The following KIF4A variants were observed in gnomAD, a reference collection of about 807,000 sequenced individuals.
The protein encoded by KIF4A is kinesin family member 4A, also known as chromosome-associated kinesin KIF4A.
A neutral mutation model predicts 105.9 loss-of-function variants in KIF4A; 7 were observed. That is an observed-to-expected ratio of 0.07 (90% CI 0.04 to 0.12). KIF4A has a LOEUF of 0.12. Among genes scored for constraint, KIF4A ranks in the 10% least tolerant of loss-of-function variants. KIF4A has a pLI of 1.00. For synonymous variants in KIF4A, 281 were observed against 331.3 expected, an observed-to-expected ratio of 0.85 and a Z score of 1.65; for missense variants, 558 against 929.2, an observed-to-expected ratio of 0.60 and a Z score of 5.19.
At chrX:70,303,725 C>T (rs1313370329) in intron 7 of KIF4A, among the ~76,000 whole-genome samples, 1 of 110,343 alleles carries the variant, frequency 9.1e-6, no homozygotes, top group African/African-American at 3.3e-5. Flanking sequence ...AATTTACGTA[C>T]TATAACATTA....
intron 20 of KIF4A, among the ~76,000 whole-genome samples, chrX:70,393,831 TTC>T (rs1365936391): frequency 9.8e-5 from 1 of 10,229 alleles, no homozygotes; most frequent in African/African-American, 1.9e-4. Flanking sequence ...CTTTCTTTCT[TTC>T]TTTCTTTCTT....
At chrX:70,388,300 T>A (rs1303690463) in intron 20 of KIF4A, among the ~76,000 whole-genome samples, 4 of 111,949 alleles carry the variant, frequency 3.6e-5, no homozygotes, top group African/African-American at 1.3e-4. Flanking sequence ...TATCCATCTG[T>A]TGATGGATAC....
At chrX:70,313,492 G>C (rs1004390951) in intron 7 of KIF4A, among the ~76,000 whole-genome samples, 1 of 111,065 alleles carries the variant, frequency 9.0e-6, no homozygotes, top group African/African-American at 3.3e-5. Flanking sequence ...ACTTATTTCT[G>C]TCATATCACT....
At chrX:70,329,350 TA>T in intron 7 of KIF4A, 54 bp from the exon 8 acceptor site, 1 of 982,457 alleles carries the variant, frequency 1.0e-6, no homozygotes, top group Admixed American at 2.4e-5. Flanking sequence ...AGAAGAAACA[TA>T]GGTATATGTT....
intron 20 of KIF4A, among the ~76,000 whole-genome samples, chrX:70,391,971 T>C (rs1047659117): frequency 9.0e-5 from 10 of 111,706 alleles, no homozygotes; most frequent in African/African-American, 3.2e-4. Context: ...TTTATGGCTG[T>C]GTAATATTCC....
chrX:70,407,253 G>A (rs1168588162), intron 28 of KIF4A, among the ~76,000 whole-genome samples, 178 bp downstream of exon 28: 2 of 111,047 alleles, frequency 1.8e-5, no homozygotes, highest in African/African-American at 3.3e-5. Context: ...GATCACAGGC[G>A]TGTGCCACCA....
chrX:70,380,320 G>A (rs1311551812), intron 18 of KIF4A, among the ~76,000 whole-genome samples: 2 of 111,688 alleles, frequency 1.8e-5, no homozygotes, highest in South Asian at 7.5e-4. Context: ...AAAAAAAAAG[G>A]ATGATACACT....
chrX:70,366,707 T>G (rs914727965), intron 15 of KIF4A, among the ~76,000 whole-genome samples: 1 of 112,015 alleles, frequency 8.9e-6, no homozygotes, highest in African/African-American at 3.2e-5. Context: ...GGTGTGGTGC[T>G]GAAAAGAATG....
intron 28 of KIF4A, 59 bp downstream of exon 28, chrX:70,407,134 G>T: frequency 9.0e-7 from 1 of 1,114,765 alleles, no homozygotes; most frequent in African/African-American, 1.8e-5. Flanking sequence ...TGGAGACAGA[G>T]TCTCACTCTG....
intron 15 of KIF4A, among the ~76,000 whole-genome samples, chrX:70,363,090 A>G (rs1235658117): frequency 9.0e-6 from 1 of 110,904 alleles, no homozygotes; most frequent in Admixed American, 9.6e-5. Context: ...AGAATTGCCA[A>G]AGAAAAATAG....
rs1233237138 is a variant in KIF4A at position 70,362,158 on chromosome X, T to C, written c.1674+8351T>C. On this transcript the variant is annotated intron_variant, in intron 15 of 30. Transcript: ENST00000374403. The stretch of plus-strand genomic sequence containing the variant: ...GACTGGTCGAGAGTCTCTAGTGACT[T>C]ATGAGGCAAGACCTTGTAGTCCTCT... 4 of 232,676 alleles carry C rather than the reference T, an allele frequency of 1.7e-5. No homozygotes were observed. In the Admixed American group the frequency reaches 2.1e-4, roughly 12 times the overall value. The allele number at this position is 232,676 out of a possible 1,213,427, so 19.2% of individuals were successfully genotyped here.
At chrX:70,320,149 C>G (rs912168900) in intron 7 of KIF4A, among the ~76,000 whole-genome samples, 2 of 111,485 alleles carry the variant, frequency 1.8e-5, no homozygotes, top group Admixed American at 9.5e-5. Context: ...CATGATCTCC[C>G]CAATTAGGAA....
Position 70,407,085 on chromosome X carries a change from A to G in KIF4A, c.3255+10A>G, listed in dbSNP as rs1165760375. On this transcript the variant is annotated intron_variant, in intron 28 of 30. Coordinates refer to ENST00000374403, the MANE Select transcript of KIF4A (RefSeq NM_012310.5). ...GAAGAACATCCAAGGGGTAGGAGCC[A>G]GCTCTTCAACTTTTTTTTTGTTTTG... The G allele has an allele frequency of 3.4e-6, 4 of 1,168,790 alleles. No individual in the cohort carries two copies. The highest frequency in any genetic ancestry group is 3.2e-5 in the East Asian group (1 of 31,416).
chrX:70,361,156 T>C (rs1350943586), intron 15 of KIF4A, among the ~76,000 whole-genome samples: 2 of 113,235 alleles, frequency 1.8e-5, no homozygotes, highest in Non-Finnish European at 3.7e-5. Context: ...TTCGAGCCTA[T>C]TGGGGGCAGA....
At chrX:70,314,788 G>A (rs1250641903) in intron 7 of KIF4A, among the ~76,000 whole-genome samples, 3 of 111,226 alleles carry the variant, frequency 2.7e-5, no homozygotes, top group Non-Finnish European at 3.8e-5. Flanking sequence ...AGAGACACTG[G>A]AGGATCATAG....
intron 7 of KIF4A, among the ~76,000 whole-genome samples, chrX:70,316,514 C>A (rs868421759): frequency 1.1e-5 from 1 of 90,765 alleles, no homozygotes; most frequent in African/African-American, 6.2e-5. Flanking sequence ...ATACATATTA[C>A]ACATAAATAT....
At chrX:70,295,384 C>T (rs1408758390) in intron 3 of KIF4A, among the ~76,000 whole-genome samples, 1 of 108,024 alleles carries the variant, frequency 9.3e-6, no homozygotes, top group Non-Finnish European at 1.9e-5. Context: ...CCATGTTGGC[C>T]GGGCTGGTTT....
intron 9 of KIF4A, 74 bp from the exon 10 acceptor site, chrX:70,333,550 ATTGT>A: frequency 1.5e-6 from 1 of 679,351 alleles, no homozygotes; most frequent in Non-Finnish European, 2.4e-6. Context: ...TTTATTGCTA[ATTGT>A]GGTAATTTTA....
intron 15 of KIF4A, among the ~76,000 whole-genome samples, chrX:70,372,315 G>C (rs1440445010): frequency 1.8e-5 from 2 of 112,620 alleles, no homozygotes; most frequent in African/African-American, 3.2e-5. Context: ...AGGTTGTAGC[G>C]AGCCGAGATC....
Sources: gnomAD v4.1 joint callset for allele counts (sites outside exome capture counted in the v4.1 genomes callset) on GRCh38, gnomAD v4.1.1 for gene constraint, MANE v1.5 for transcripts, NCBI Gene and HGNC (gene_info 2026-07-23, HGNC 2026-07-21) for gene names.